LHFPL1: variants seen among roughly 807,000 people sequenced by gnomAD.
The protein encoded by LHFPL1 is LHFPL tetraspan subfamily member 1, also known as LHFPL tetraspan subfamily member 1 protein.
Under a neutral mutation model 12.1 loss-of-function variants are expected in LHFPL1, and 4 were observed. The observed-to-expected ratio is 0.33, with a 90% CI of 0.16 to 0.76. The LOEUF (loss-of-function observed/expected upper bound fraction) is 0.76. Ranked by LOEUF, LHFPL1 falls within the 30% of genes least tolerant of loss-of-function variation. The pLI is 0.61. For synonymous variants in LHFPL1, 52 were observed against 61.9 expected, an observed-to-expected ratio of 0.84 and a Z score of 0.75; for missense variants, 141 against 174.1, an observed-to-expected ratio of 0.81 and a Z score of 1.07.
Position 112,660,635 on chromosome X carries a change from AATTG to A in LHFPL1, c.469_472del (p.Gln157PhefsTer3). The stretch of plus-strand genomic sequence containing the variant: ...TGCCCAGGCCACCTTACCTAACTGA[AATTG>A]ATTGGAGACATTCCCACATGTTTGC... On this transcript the variant is annotated frameshift_variant, in exon 3 of 4. Coordinates refer to ENST00000371968, the MANE Select transcript of LHFPL1 (RefSeq NM_178175.4). LOFTEE classifies it high-confidence loss of function. 4 of 1,207,667 alleles carry A rather than the reference AATTG, an allele frequency of 3.3e-6. No individual in the cohort carries two copies. Among genetic ancestry groups the A allele is most frequent in the Non-Finnish European group, 4.5e-6 (4 of 891,824 alleles).
intron 3 of LHFPL1, among the ~76,000 whole-genome samples, chrX:112,637,280 T>C (rs1930369429): frequency 8.9e-6 from 1 of 112,200 alleles, no homozygotes; most frequent in Admixed American, 9.4e-5. Context: ...TTCAGCACGA[T>C]GTTATGTTTT....
chrX:112,654,609 T>C (rs1389223153), intron 3 of LHFPL1, among the ~76,000 whole-genome samples: 2 of 110,145 alleles, frequency 1.8e-5, no homozygotes, highest in Non-Finnish European at 3.8e-5. Context: ...TATTTATATT[T>C]ATTAAAAATT....
intron 3 of LHFPL1, among the ~76,000 whole-genome samples, chrX:112,655,144 C>T (rs1272070240): frequency 8.9e-6 from 1 of 111,995 alleles, no homozygotes; most frequent in African/African-American, 3.2e-5. Flanking sequence ...AGACCACAGG[C>T]CTAGAATAAG....
intron 1 of LHFPL1, among the ~76,000 whole-genome samples, chrX:112,678,934 C>T (rs755631848): frequency 8.9e-6 from 1 of 111,917 alleles, no homozygotes; most frequent in Non-Finnish European, 1.9e-5. Flanking sequence ...CTTAAAACCT[C>T]TGAGTTTTGG....
intron 3 of LHFPL1, among the ~76,000 whole-genome samples, chrX:112,656,843 TCAG>T (rs773354213): frequency 1.6e-3 from 182 of 112,240 alleles, no homozygotes; most frequent in African/African-American, 5.8e-3. Flanking sequence ...CTAAAGGTGC[TCAG>T]AACACTTATA....
chrX:112,633,830 C>T (rs1024187979), intron 3 of LHFPL1, among the ~76,000 whole-genome samples: 1 of 111,351 alleles, frequency 9.0e-6, no homozygotes, highest in Non-Finnish European at 1.9e-5. Context: ...GAAAGGAGCT[C>T]AACTATCTCC....
At chrX:112,637,911 T>C (rs1162053382) in intron 3 of LHFPL1, among the ~76,000 whole-genome samples, 1 of 111,660 alleles carries the variant, frequency 9.0e-6, no homozygotes, top group East Asian at 2.8e-4. Flanking sequence ...ACAAGCATGC[T>C]AGGACCCCGG....
At chrX:112,647,409 T>A (rs1450222790) in intron 3 of LHFPL1, among the ~76,000 whole-genome samples, 1 of 110,915 alleles carries the variant, frequency 9.0e-6, no homozygotes, top group African/African-American at 3.3e-5. Flanking sequence ...TGGGAGAAAA[T>A]TTTTGCAATC....
At chrX:112,678,901 G>T (rs1287602532) in intron 1 of LHFPL1, among the ~76,000 whole-genome samples, 1 of 111,730 alleles carries the variant, frequency 9.0e-6, no homozygotes, top group East Asian at 2.8e-4. Flanking sequence ...CCCCTTACAG[G>T]CTATATGCAC....
intron 3 of LHFPL1, among the ~76,000 whole-genome samples, chrX:112,654,559 A>C (rs1930942747): frequency 9.1e-6 from 1 of 110,131 alleles, no homozygotes; most frequent in Non-Finnish European, 1.9e-5. Context: ...AATATTTTAT[A>C]TTTATTAAAA....
At chrX:112,676,688 C>T (rs1054560162) in intron 1 of LHFPL1, among the ~76,000 whole-genome samples, 2 of 112,008 alleles carry the variant, frequency 1.8e-5, no homozygotes, top group African/African-American at 6.5e-5. Context: ...GCAGGAAACC[C>T]ACCTAAACCA....
At chrX:112,668,932 T>C (rs1931414373) in intron 2 of LHFPL1, among the ~76,000 whole-genome samples, 2 of 112,041 alleles carry the variant, frequency 1.8e-5, no homozygotes, top group South Asian at 7.5e-4. Context: ...AGTTAGCCCC[T>C]CCTCACTCTG....
At chrX:112,644,141 T>C (rs191830574) in intron 3 of LHFPL1, among the ~76,000 whole-genome samples, 10 of 112,734 alleles carry the variant, frequency 8.9e-5, no homozygotes, top group African/African-American at 3.2e-4. Flanking sequence ...CAGGGCATTC[T>C]AGCTGATGCT....
At chrX:112,635,765 T>C (rs1049390797) in intron 3 of LHFPL1, among the ~76,000 whole-genome samples, 1 of 112,037 alleles carries the variant, frequency 8.9e-6, no homozygotes, top group African/African-American at 3.2e-5. Flanking sequence ...GTGGGCATTC[T>C]AGGCAGAGGG....
At chrX:112,650,563 G>A (rs1242766907) in intron 3 of LHFPL1, among the ~76,000 whole-genome samples, 2 of 110,222 alleles carry the variant, frequency 1.8e-5, no homozygotes, top group African/African-American at 6.6e-5. Context: ...CTTCTTTTTT[G>A]ACATACATTT....
chrX:112,636,533 C>T (rs973812275), intron 3 of LHFPL1, among the ~76,000 whole-genome samples: 3 of 111,661 alleles, frequency 2.7e-5, no homozygotes, highest in Non-Finnish European at 5.6e-5. Context: ...TGCATGGTTC[C>T]TTCTTGACCT....
intron 3 of LHFPL1, among the ~76,000 whole-genome samples, chrX:112,656,554 T>G (rs185468285): frequency 1.1e-4 from 12 of 111,614 alleles, no homozygotes; most frequent in African/African-American, 3.9e-4. Flanking sequence ...GACATCCAGA[T>G]TGGAAAGGAA....
intron 3 of LHFPL1, among the ~76,000 whole-genome samples, chrX:112,656,121 G>A (rs1930992116): frequency 9.0e-6 from 1 of 111,362 alleles, no homozygotes. Flanking sequence ...TAACAAAATC[G>A]TAGAAAACTA....
intron 3 of LHFPL1, among the ~76,000 whole-genome samples, chrX:112,650,654 A>C (rs1930827794): frequency 9.0e-6 from 1 of 111,102 alleles, no homozygotes; most frequent in African/African-American, 3.3e-5. Context: ...CTCCTTAGTA[A>C]GTTTCTGTAC....
Sources: gnomAD v4.1 joint callset for allele counts (sites outside exome capture counted in the v4.1 genomes callset) on GRCh38, gnomAD v4.1.1 for gene constraint, MANE v1.5 for transcripts, NCBI Gene and HGNC (gene_info 2026-07-23, HGNC 2026-07-21) for gene names.